Variants in PTPRD observed in about 807,000 individuals in gnomAD.
PTPRD encodes the protein protein tyrosine phosphatase receptor type D.
PTPRD carries 34 observed loss-of-function variants against 214.5 expected under a neutral mutation model. The ratio of observed to expected loss-of-function variants is 0.16; its 90% CI spans 0.12 to 0.21. The LOEUF (loss-of-function observed/expected upper bound fraction) is 0.21, where lower values mean the gene tolerates loss of function less well. Among genes scored for constraint, PTPRD ranks in the 10% least tolerant of loss-of-function variants. The pLI, the probability that PTPRD is intolerant of heterozygous loss-of-function variation, is 1.00. For synonymous variants in PTPRD, 1,128 were observed against 845.7 expected, an observed-to-expected ratio of 1.33 and a Z score of -5.79; for missense variants, 2,545 against 2,398.7, an observed-to-expected ratio of 1.06 and a Z score of -1.27.
At chr9:9,549,091 G>C (rs1422323958) in intron 8 of PTPRD, among the ~76,000 whole-genome samples, 2 of 151,968 alleles carry the variant, frequency 1.3e-5, no homozygotes, top group African/African-American at 4.8e-5. Context: ...TTGCAATCTT[G>C]AAGTAGGCAA....
intron 11 of PTPRD, among the ~76,000 whole-genome samples, chr9:8,800,761 T>C (rs1028197087): frequency 1.3e-5 from 2 of 152,198 alleles, no homozygotes; most frequent in African/African-American, 4.8e-5. Context: ...CTTTACTCTA[T>C]GGACTCGCGC....
chr9:10,251,394 C>A (rs1319727859), intron 3 of PTPRD, among the ~76,000 whole-genome samples: 1 of 109,618 alleles, frequency 9.1e-6, no homozygotes, highest in African/African-American at 2.7e-5. Flanking sequence ...TAAACTCTTT[C>A]CATTCTTTTT....
intron 6 of PTPRD, among the ~76,000 whole-genome samples, chr9:9,762,499 C>T (rs1435856104): frequency 6.6e-6 from 1 of 152,108 alleles, no homozygotes; most frequent in African/African-American, 2.4e-5. Context: ...TGACATTTTA[C>T]CATAGCAATC....
At chr9:10,451,549 T>C (rs1288402441) in intron 2 of PTPRD, among the ~76,000 whole-genome samples, 1 of 151,674 alleles carries the variant, frequency 6.6e-6, no homozygotes, top group Admixed American at 6.6e-5. Flanking sequence ...TCATTATCTG[T>C]AATCGGATGA....
At chr9:8,856,045 A>T (rs887547352) in intron 11 of PTPRD, among the ~76,000 whole-genome samples, 2 of 152,212 alleles carry the variant, frequency 1.3e-5, no homozygotes, top group African/African-American at 4.8e-5. Flanking sequence ...TTTATTGTCC[A>T]TTTAGGATGT....
intron 5 of PTPRD, among the ~76,000 whole-genome samples, chr9:9,895,132 A>G (rs1052632412): frequency 6.6e-6 from 1 of 152,072 alleles, no homozygotes; most frequent in Non-Finnish European, 1.5e-5. Context: ...TAAGACTATA[A>G]AAATGAAAAT....
intron 7 of PTPRD, among the ~76,000 whole-genome samples, chr9:9,709,839 T>C (rs1429919877): frequency 2.0e-5 from 3 of 152,086 alleles, no homozygotes; most frequent in African/African-American, 7.2e-5. Context: ...TACAGATTGA[T>C]TTCTCTATGT....
chr9:8,318,664 A>T (rs1824074278), intron 45 of PTPRD, among the ~76,000 whole-genome samples: 1 of 152,028 alleles, frequency 6.6e-6, no homozygotes, highest in Non-Finnish European at 1.5e-5. Context: ...ACATCAAAAA[A>T]TACCTGTAAA....
At chr9:9,166,560 C>T (rs2099904481) in intron 10 of PTPRD, among the ~76,000 whole-genome samples, 1 of 152,150 alleles carries the variant, frequency 6.6e-6, no homozygotes, top group Admixed American at 6.5e-5. Flanking sequence ...CCTACAAAAC[C>T]TAGAGATGCC....
chr9:9,601,957 C>A (rs140815128), intron 7 of PTPRD, among the ~76,000 whole-genome samples: 1 of 152,132 alleles, frequency 6.6e-6, no homozygotes, highest in Non-Finnish European at 1.5e-5. Flanking sequence ...TCTATATTTT[C>A]TACCACTACA....
intron 3 of PTPRD, among the ~76,000 whole-genome samples, chr9:10,248,998 T>C (rs1230887769): frequency 6.6e-6 from 1 of 152,134 alleles, no homozygotes; most frequent in Admixed American, 6.6e-5. Flanking sequence ...TTTGATCCCC[T>C]AAATCAGACA....
intron 9 of PTPRD, among the ~76,000 whole-genome samples, chr9:9,361,645 G>C (rs1025191420): frequency 6.0e-5 from 9 of 150,848 alleles, no homozygotes; most frequent in Non-Finnish European, 5.9e-5. Context: ...CTTCATGCTA[G>C]AAAGATTTGA....
chr9:9,008,763 T>G (rs1179681903), intron 11 of PTPRD, among the ~76,000 whole-genome samples: 1 of 152,152 alleles, frequency 6.6e-6, no homozygotes, highest in Non-Finnish European at 1.5e-5. Flanking sequence ...TTACTGGGAT[T>G]TGCTGGTAAT....
intron 5 of PTPRD, among the ~76,000 whole-genome samples, chr9:9,932,240 G>A (rs948722785): frequency 3.3e-5 from 5 of 150,948 alleles, no homozygotes; most frequent in African/African-American, 5.0e-5. Context: ...TAACTTTGAC[G>A]AGCTGAGAGA....
intron 30 of PTPRD, among the ~76,000 whole-genome samples, chr9:8,479,648 A>G (rs531895543): frequency 1.3e-5 from 2 of 152,368 alleles, no homozygotes; most frequent in South Asian, 4.1e-4. Context: ...CAATGGACTA[A>G]AAGTGCCAAT....
chr9:8,776,947 G>A (rs892197472), intron 11 of PTPRD, among the ~76,000 whole-genome samples: 2 of 147,472 alleles, frequency 1.4e-5, no homozygotes, highest in African/African-American at 4.9e-5. Flanking sequence ...TAATACATAT[G>A]TATAGTATAT....
In PTPRD at chr9:9,185,381, G is replaced by C. The variant is rs146983345; in HGVS notation, c.-202-2018C>G. On this transcript the variant is annotated intron_variant, in intron 9 of 45. Transcript: ENST00000381196. ...TAGAGTCAAACACACTCTATTCAAT[G>C]ATTCCTTTTAGGCAACCAACCACCT... Among the ~76,000 whole-genome samples the C allele has an allele frequency of 2.7e-3, 406 of 152,058 alleles. 1 individual carries two copies. The highest frequency in any genetic ancestry group is 9.3e-3 in the African/African-American group (386 of 41,516).
intron 11 of PTPRD, among the ~76,000 whole-genome samples, chr9:8,840,471 T>C (rs1337463250): frequency 6.6e-6 from 1 of 152,242 alleles, no homozygotes; most frequent in Non-Finnish European, 1.5e-5. Context: ...ATTAAACCTT[T>C]TTCCTGTATA....
chr9:8,755,432 G>C (rs1285820070), intron 11 of PTPRD, among the ~76,000 whole-genome samples: 1 of 151,610 alleles, frequency 6.6e-6, no homozygotes, highest in South Asian at 2.1e-4. Flanking sequence ...AGGAGGCTGA[G>C]GCAGGAGAAT....
Sources: allele counts gnomAD v4.1 joint callset (sites outside exome capture counted in the v4.1 genomes callset), GRCh38; gene constraint gnomAD v4.1.1; transcripts MANE v1.5; gene names NCBI Gene and HGNC (gene_info 2026-07-23, HGNC 2026-07-21).